BEND6: variants seen among roughly 807,000 people sequenced by gnomAD.
The protein encoded by BEND6 is BEN domain-containing protein 6.
Under a neutral mutation model 31.8 loss-of-function variants are expected in BEND6, and 24 were observed. That is an observed-to-expected ratio of 0.75 (90% CI 0.55 to 1.06). The LOEUF (loss-of-function observed/expected upper bound fraction) is 1.06, where lower values mean the gene tolerates loss of function less well. Ranked by LOEUF, BEND6 falls within the 50% of genes least tolerant of loss-of-function variation. The pLI, the probability that BEND6 is intolerant of heterozygous loss-of-function variation, is 0.00. For missense variants in BEND6, 294 were observed against 327.4 expected (o/e 0.90, Z 0.79); for synonymous variants, 109 against 114.6 (o/e 0.95, Z 0.31).
intron 2 of BEND6, among the ~76,000 whole-genome samples, chr6:56,985,622 C>T (rs1305717330): frequency 1.3e-5 from 2 of 152,190 alleles, no homozygotes; most frequent in African/African-American, 2.4e-5. Flanking sequence ...CATATAGTCA[C>T]ACTGAGCCAC....
chr6:57,018,503 G>T lies in BEND6; in HGVS notation c.795G>T (p.Lys265Asn). ...GGCAAAAGCTAAACAACTGTACCAA[G>T]AAGCCAAATTTAAGCAAAAATCTTA... ...MIGQKLNNCT[K>N]KPNLSKNLNS... Residue 265 changes from lysine to asparagine, a missense_variant, in exon 6 of 7, where the codon AAG becomes AAT. By Grantham distance (94) the Lys-to-Asn change is moderately conservative (BLOSUM62 0). Transcript: ENST00000370746. 6.3e-7 allele frequency: 1 copy of T among 1,581,494 alleles called. No individual in the cohort carries two copies. Among genetic ancestry groups the T allele is most frequent in the Non-Finnish European group, 8.6e-7 (1 of 1,168,682 alleles).
chr6:57,027,161 T>C lies in BEND6; in HGVS notation c.*1089T>C, dbSNP rs1168875786. 1 of 152,228 alleles carries C rather than the reference T, an allele frequency of 6.6e-6. No individual in the cohort carries two copies. The highest frequency in any genetic ancestry group is 6.5e-5 in the Admixed American group (1 of 15,286). 9.4% of individuals were successfully genotyped at this position (152,228 alleles called of 1,614,324 possible). On this transcript the variant is annotated 3_prime_UTR_variant, in exon 7 of 7. Coordinates refer to ENST00000370746, the MANE Select transcript of BEND6 (RefSeq NM_152731.3). ...CATACTTCTTCAGTGCACAAAGTCA[T>C]GTTTAAACTTGGAAAAGAGGATGCT...
At chr6:56,977,056 A>C (rs1825901624) in intron 1 of BEND6, among the ~76,000 whole-genome samples, 1 of 152,250 alleles carries the variant, frequency 6.6e-6, no homozygotes, top group Non-Finnish European at 1.5e-5. Flanking sequence ...TAAAAAATGA[A>C]AATTAGTGCA....
chr6:57,024,372 C>T (rs2127896759), intron 6 of BEND6, among the ~76,000 whole-genome samples: 1 of 152,294 alleles, frequency 6.6e-6, no homozygotes, highest in East Asian at 1.9e-4. Flanking sequence ...AAAGAGCTCT[C>T]TTTAGATTTC....
intron 2 of BEND6, among the ~76,000 whole-genome samples, chr6:56,984,174 T>C (rs534623596): frequency 6.6e-6 from 1 of 151,564 alleles, no homozygotes. Context: ...TGAGCTGTGT[T>C]CCCATCACTG....
intron 2 of BEND6, among the ~76,000 whole-genome samples, chr6:56,986,463 A>G (rs1294986569): frequency 6.6e-6 from 1 of 152,104 alleles, no homozygotes; most frequent in Admixed American, 6.6e-5. Flanking sequence ...TAATAAATAA[A>G]TAAACAAAAT....
chr6:57,023,853 A>G (rs1366869036), intron 6 of BEND6, among the ~76,000 whole-genome samples: 1 of 151,950 alleles, frequency 6.6e-6, no homozygotes. Flanking sequence ...TAGCTTGTAT[A>G]TTTTCTAACT....
intron 1 of BEND6, among the ~76,000 whole-genome samples, chr6:56,976,228 C>G (rs1321087452): frequency 6.7e-6 from 1 of 149,438 alleles, no homozygotes; most frequent in Non-Finnish European, 1.5e-5. Flanking sequence ...TACAGTCTCG[C>G]TCTGTCACCC....
rs1044973096 is a variant in BEND6, at chr6:57,027,094, T to A, written c.*1022T>A. The A allele has an allele frequency of 6.6e-6, 1 of 152,262 alleles. No individual in the cohort carries two copies. Among genetic ancestry groups the A allele is most frequent in the African/African-American group, 2.4e-5 (1 of 41,478 alleles). The allele number at this position is 152,262 out of a possible 1,614,324, so 9.4% of individuals were successfully genotyped here. ...ATTCTTCATCAAAAGGCTTCTCGCT[T>A]GGTGTCAGGTTGTCACATGTGACCA... On this transcript the variant is annotated 3_prime_UTR_variant, in exon 7 of 7. Coordinates refer to ENST00000370746, the MANE Select transcript of BEND6 (RefSeq NM_152731.3).
At chr6:56,961,938 T>C (rs898132690) in intron 1 of BEND6, among the ~76,000 whole-genome samples, 5 of 152,162 alleles carry the variant, frequency 3.3e-5, no homozygotes, top group African/African-American at 9.7e-5. Flanking sequence ...TGGAATGCTA[T>C]GGTTTAAATT....
chr6:56,957,623 C>A (rs1474986225), intron 1 of BEND6, among the ~76,000 whole-genome samples: 1 of 152,002 alleles, frequency 6.6e-6, no homozygotes, highest in African/African-American at 2.4e-5. Flanking sequence ...AAAAGTCACA[C>A]ACAAAAAAAA....
At chr6:57,009,054 T>G (rs992528400) in intron 3 of BEND6, 4 of 152,336 alleles carry the variant, frequency 2.6e-5, no homozygotes, top group African/African-American at 9.6e-5. Context: ...TGTTCTCATT[T>G]GTATACGGAA....
At chr6:56,971,511 G>T (rs9464412) in intron 1 of BEND6, among the ~76,000 whole-genome samples, 9,048 of 152,108 alleles carry the variant, frequency 0.059, 391 homozygotes, top group East Asian at 0.18. Context: ...TGGATCATAT[G>T]GTAATTTTAT....
chr6:56,957,753 A>G (rs1272096306), intron 1 of BEND6, among the ~76,000 whole-genome samples: 3 of 152,202 alleles, frequency 2.0e-5, no homozygotes, highest in African/African-American at 7.2e-5. Flanking sequence ...TATGAGAGTA[A>G]GTTATCATTG....
intron 2 of BEND6, among the ~76,000 whole-genome samples, chr6:56,989,467 A>G (rs1399289688): frequency 6.6e-6 from 1 of 152,204 alleles, no homozygotes; most frequent in Non-Finnish European, 1.5e-5. Context: ...TCTCTTATGT[A>G]TAGACCTAGA....
At chr6:57,025,635 T>G (rs551525668) in intron 6 of BEND6, among the ~76,000 whole-genome samples, 1 of 152,342 alleles carries the variant, frequency 6.6e-6, no homozygotes, top group Non-Finnish European at 1.5e-5. Context: ...CTCAAGATGA[T>G]GAGGAAGCTC....
At chr6:56,965,797 T>C (rs1443531068) in intron 1 of BEND6, among the ~76,000 whole-genome samples, 1 of 151,436 alleles carries the variant, frequency 6.6e-6, no homozygotes, top group African/African-American at 2.4e-5. Flanking sequence ...TATTTGAGAG[T>C]TGAATCACTC....
At chr6:56,999,282 G>A (rs1562550629) in intron 3 of BEND6, among the ~76,000 whole-genome samples, 2 of 151,696 alleles carry the variant, frequency 1.3e-5, no homozygotes, top group Non-Finnish European at 2.9e-5. Context: ...TGGCATGGAG[G>A]CCATCTCTGC....
chr6:56,988,885 G>T (rs903113345), intron 2 of BEND6, among the ~76,000 whole-genome samples: 7 of 152,138 alleles, frequency 4.6e-5, no homozygotes, highest in Non-Finnish European at 8.8e-5. Context: ...AAAAAAATTA[G>T]CTGGGCATGC....
Sources: gnomAD v4.1 joint callset for allele counts (sites outside exome capture counted in the v4.1 genomes callset) on GRCh38, gnomAD v4.1.1 for gene constraint, MANE v1.5 for transcripts, NCBI Gene and HGNC (gene_info 2026-07-23, HGNC 2026-07-21) for gene names.